The following PDZRN3 variants were observed in gnomAD, a reference collection of about 807,000 sequenced individuals.
PDZRN3 encodes PDZ domain containing ring finger 3.
Under a neutral mutation model 85.7 loss-of-function variants are expected in PDZRN3, and 38 were observed. That is an observed-to-expected ratio of 0.44 (90% confidence interval 0.34 to 0.58). PDZRN3 has a LOEUF of 0.58. PDZRN3 is among the 20% of genes least tolerant of loss of function. The pLI is 0.01. For synonymous variants in PDZRN3, 759 were observed against 638.0 expected (o/e 1.19, Z -2.86); for missense variants, 1,629 against 1,506.4 (o/e 1.08, Z -1.35).
chr3:73,555,365 A>G (rs1701670458), intron 3 of PDZRN3, among the ~76,000 whole-genome samples: 2 of 152,204 alleles, frequency 1.3e-5, no homozygotes, highest in South Asian at 4.1e-4. Flanking sequence ...AACAGCTGCA[A>G]TGATTATTGA....
intron 3 of PDZRN3, among the ~76,000 whole-genome samples, chr3:73,540,723 C>T (rs1238170157): frequency 6.6e-6 from 1 of 152,164 alleles, no homozygotes; most frequent in African/African-American, 2.4e-5. Context: ...CCATGCAGAA[C>T]TGAGTCAATT....
At chr3:73,590,491 C>G (rs1357955780) in intron 3 of PDZRN3, among the ~76,000 whole-genome samples, 3 of 152,132 alleles carry the variant, frequency 2.0e-5, no homozygotes, top group African/African-American at 4.8e-5. Flanking sequence ...GGAATTAGTT[C>G]TCTAGGTACT....
chr3:73,465,778 A>G (rs1242239319), intron 3 of PDZRN3, among the ~76,000 whole-genome samples: 1 of 152,232 alleles, frequency 6.6e-6, no homozygotes, highest in African/African-American at 2.4e-5. Context: ...ACGGGGATTT[A>G]TAGTTTCTCC....
chr3:73,464,288 T>C (rs1559693381), intron 3 of PDZRN3, among the ~76,000 whole-genome samples: 1 of 152,202 alleles, frequency 6.6e-6, no homozygotes, highest in Non-Finnish European at 1.5e-5. Flanking sequence ...CCTGGCCCTG[T>C]GTATTCTTTA....
intron 3 of PDZRN3, among the ~76,000 whole-genome samples, chr3:73,523,680 C>T (rs969158138): frequency 1.3e-5 from 2 of 151,878 alleles, no homozygotes; most frequent in Non-Finnish European, 2.9e-5. Flanking sequence ...GTTAAAGGTC[C>T]GAAGAAAAAT....
chr3:73,486,999 G>A (rs987432969), intron 3 of PDZRN3, among the ~76,000 whole-genome samples: 1 of 152,006 alleles, frequency 6.6e-6, no homozygotes, highest in Non-Finnish European at 1.5e-5. Context: ...TTTACACCTT[G>A]TCTCCTCTTT....
chr3:73,552,569 T>C (rs891977366), intron 3 of PDZRN3, among the ~76,000 whole-genome samples: 8 of 152,226 alleles, frequency 5.3e-5, no homozygotes, highest in Non-Finnish European at 1.5e-5. Context: ...GTGTCCACAG[T>C]AGCTTTCAAA....
At chr3:73,603,265 G>A (rs184612972) in intron 2 of PDZRN3, among the ~76,000 whole-genome samples, 13 of 152,242 alleles carry the variant, frequency 8.5e-5, no homozygotes, top group East Asian at 5.8e-4. Context: ...TCTGATCTCT[G>A]ACCTCCTTGA....
At chr3:73,390,543 A>C (rs1559651449) in intron 6 of PDZRN3, among the ~76,000 whole-genome samples, 1 of 152,172 alleles carries the variant, frequency 6.6e-6, no homozygotes, top group Non-Finnish European at 1.5e-5. Flanking sequence ...GAAGATCAAA[A>C]CAGCGTGCAT....
At chr3:73,540,154 CT>C (rs1704884453) in intron 3 of PDZRN3, among the ~76,000 whole-genome samples, 1 of 130,920 alleles carries the variant, frequency 7.6e-6, no homozygotes, top group Non-Finnish European at 1.6e-5. Flanking sequence ...GTGTTAAATA[CT>C]AAGAAAAATT....
intron 3 of PDZRN3, among the ~76,000 whole-genome samples, chr3:73,455,352 C>T (rs1296721921): frequency 6.6e-6 from 1 of 152,196 alleles, no homozygotes; most frequent in Non-Finnish European, 1.5e-5. Context: ...AGAGTAAGTG[C>T]TAGAACCAGA....
intron 3 of PDZRN3, among the ~76,000 whole-genome samples, chr3:73,573,909 A>G (rs78127393): frequency 1.3e-5 from 2 of 152,298 alleles, no homozygotes; most frequent in East Asian, 3.9e-4. Flanking sequence ...TTTAAAAAAA[A>G]TTCACAGCAA....
chr3:73,437,207 T>C (rs955215101), intron 3 of PDZRN3, among the ~76,000 whole-genome samples: 1 of 152,122 alleles, frequency 6.6e-6, no homozygotes, highest in Admixed American at 6.5e-5. Flanking sequence ...ATAATATAAA[T>C]AACATTTTTA....
At chr3:73,572,504 G>GT (rs1702058662) in intron 3 of PDZRN3, among the ~76,000 whole-genome samples, 1 of 152,188 alleles carries the variant, frequency 6.6e-6, no homozygotes, top group Non-Finnish European at 1.5e-5. Flanking sequence ...AACTTCACAT[G>GT]TATGTCAGAA....
chr3:73,618,253 G>T (rs1420354818), intron 1 of PDZRN3, among the ~76,000 whole-genome samples: 1 of 152,172 alleles, frequency 6.6e-6, no homozygotes, highest in Non-Finnish European at 1.5e-5. Flanking sequence ...TCTTTCTGAG[G>T]ATGAAATAAA....
intron 3 of PDZRN3, among the ~76,000 whole-genome samples, chr3:73,421,862 T>C (rs1702210160): frequency 6.6e-6 from 1 of 152,152 alleles, no homozygotes; most frequent in South Asian, 2.1e-4. Flanking sequence ...TTGGCCAGGA[T>C]GGTCTCGATC....
Position 73,428,915 on chromosome 3 carries a change from A to C in PDZRN3, c.919-24520T>G, listed in dbSNP as rs367882250. Among the ~76,000 whole-genome samples the C allele has an allele frequency of 4.1e-4, 63 of 151,808 alleles. No homozygotes were observed. The South Asian group carries it at 0.013, about 31-fold the overall frequency. On this transcript the variant is annotated intron_variant, in intron 3 of 9. Coordinates refer to ENST00000263666, the MANE Select transcript of PDZRN3 (RefSeq NM_015009.3). Reference sequence around the variant, plus strand: ...GCTTGTTTTTTTTTTCCCCCAGAGAAGGGGTCTTGCTCTGTCACTGTCACC... The same window carrying C: ...GCTTGTTTTTTTTTTCCCCCAGAGACGGGGTCTTGCTCTGTCACTGTCACC...
chr3:73,482,817 AGGAC>A (rs1703591336), intron 3 of PDZRN3, among the ~76,000 whole-genome samples: 1 of 152,206 alleles, frequency 6.6e-6, no homozygotes, highest in African/African-American at 2.4e-5. Flanking sequence ...ACTGTTTCTG[AGGAC>A]AGGCCACAAC....
chr3:73,458,628 C>T (rs1025095824), intron 3 of PDZRN3, among the ~76,000 whole-genome samples: 2 of 149,930 alleles, frequency 1.3e-5, no homozygotes, highest in Non-Finnish European at 3.0e-5. Context: ...GCATCTCATA[C>T]ATTTTGAGTT....
Sources: gnomAD v4.1 joint callset for allele counts (sites outside exome capture counted in the v4.1 genomes callset) on GRCh38, gnomAD v4.1.1 for gene constraint, MANE v1.5 for transcripts, NCBI Gene and HGNC (gene_info 2026-07-23, HGNC 2026-07-21) for gene names.